The following THNSL1 variants were observed in gnomAD, a reference collection of about 807,000 sequenced individuals.
The protein encoded by THNSL1 is threonine synthase like 1.
Under a neutral mutation model 50.4 loss-of-function variants are expected in THNSL1, and 48 were observed. The ratio of observed to expected loss-of-function variants is 0.95; its 90% CI spans 0.76 to 1.21. THNSL1 has a LOEUF of 1.21. THNSL1 is among the 50% of genes most tolerant of loss of function. THNSL1 has a pLI of 0.00. For synonymous variants in THNSL1, 309 were observed against 306.1 expected, an observed-to-expected ratio of 1.01 and a Z score of -0.10; for missense variants, 896 against 871.7, an observed-to-expected ratio of 1.03 and a Z score of -0.35.
chr10:25,018,719 G>T (rs1435852379), intron 1 of THNSL1, among the ~76,000 whole-genome samples: 1 of 150,218 alleles, frequency 6.7e-6, no homozygotes, highest in Non-Finnish European at 1.5e-5. Context: ...AATAAAATGG[G>T]TGTAGATGAG....
At chr10:24,986,420 A>T in the THNSL1 span, among the ~76,000 whole-genome samples, 1 of 152,190 alleles carries the variant, frequency 6.6e-6, no homozygotes, top group African/African-American at 2.4e-5. Context: ...TTAAATTTTA[A>T]AAAGAGGAGG....
At chr10:24,995,164 T>C in the THNSL1 span, among the ~76,000 whole-genome samples, 1 of 152,188 alleles carries the variant, frequency 6.6e-6, no homozygotes, top group Non-Finnish European at 1.5e-5. Flanking sequence ...AATATATTCA[T>C]GTTAAAATAG....
chr10:25,009,110 G>A, the THNSL1 span, among the ~76,000 whole-genome samples: 1 of 152,176 alleles, frequency 6.6e-6, no homozygotes, highest in Non-Finnish European at 1.5e-5. Context: ...CTGTTGTGGG[G>A]TGGGAGGAGA....
the THNSL1 span, among the ~76,000 whole-genome samples, chr10:24,968,176 T>C: frequency 6.6e-6 from 1 of 152,136 alleles, no homozygotes; most frequent in Non-Finnish European, 1.5e-5. Flanking sequence ...TCATTCCTTC[T>C]TACTTTTGAT....
the THNSL1 span, among the ~76,000 whole-genome samples, chr10:25,006,907 A>C: frequency 1.6e-4 from 24 of 152,342 alleles, no homozygotes; most frequent in African/African-American, 3.6e-4. Flanking sequence ...CAATGGGATA[A>C]TACTACTTAT....
chr10:25,025,578 C>T lies in THNSL1; in HGVS notation c.*123C>T. The T allele has an allele frequency of 1.0e-6, 1 of 960,354 alleles. No individual in the cohort carries two copies. Among genetic ancestry groups the T allele is most frequent in the Non-Finnish European group, 1.5e-6 (1 of 653,668 alleles). 59.5% of individuals were successfully genotyped at this position (960,354 alleles called of 1,614,324 possible). ...ATATCTCTATATCTGTTTGGAATTT[C>T]AAAAGTCTGATCTCTAGGGCTGACA... On this transcript the variant is annotated 3_prime_UTR_variant, in exon 3 of 3. Transcript: ENST00000376356.
the THNSL1 span, among the ~76,000 whole-genome samples, chr10:24,954,636 A>G: frequency 1.3e-5 from 2 of 152,216 alleles, no homozygotes; most frequent in South Asian, 4.1e-4. Flanking sequence ...CAGGAATCTT[A>G]TGAATGTGTG....
chr10:24,995,645 C>T, the THNSL1 span: 3 of 1,607,550 alleles, frequency 1.9e-6, no homozygotes, highest in African/African-American at 4.0e-5. Context: ...CACAAGGCTA[C>T]CTTTTTATTG....
rs763968585 is a variant in THNSL1 at position 25,023,200 on chromosome 10, C to T, written c.-24C>T. 3.8e-6 allele frequency: 6 copies of T among 1,584,218 alleles called. No homozygotes were observed. The Admixed American group carries it at 5.4e-5, about 14-fold the overall frequency. ...GGGCTAAAGCCAATTTTTAGGTTGGCTTGGGCAGAAAAGTGAAAAGAGAAT... is the reference window on the plus strand; with the variant it reads ...GGGCTAAAGCCAATTTTTAGGTTGGTTTGGGCAGAAAAGTGAAAAGAGAAT... On this transcript the variant is annotated 5_prime_UTR_variant, in exon 3 of 3. Transcript: ENST00000376356.
At chr10:24,956,767 G>A in the THNSL1 span, among the ~76,000 whole-genome samples, 547 of 152,284 alleles carry the variant, frequency 3.6e-3, 2 homozygotes, top group Admixed American at 5.6e-3. Context: ...CTACCGGGCT[G>A]CAAACTGGTA....
At chr10:24,993,065 A>G in the THNSL1 span, among the ~76,000 whole-genome samples, 1 of 152,348 alleles carries the variant, frequency 6.6e-6, no homozygotes, top group African/African-American at 2.4e-5. Context: ...ACAGCTAGGC[A>G]GGAGAACTGC....
the THNSL1 span, among the ~76,000 whole-genome samples, chr10:25,005,464 T>C: frequency 6.8e-6 from 1 of 146,300 alleles, no homozygotes; most frequent in East Asian, 1.9e-4. Flanking sequence ...TTAATTGAGA[T>C]TTTTTTTTCC....
chr10:25,002,574 C>A, the THNSL1 span, among the ~76,000 whole-genome samples: 3 of 152,068 alleles, frequency 2.0e-5, no homozygotes, highest in African/African-American at 7.3e-5. Context: ...AGTCTGATAA[C>A]TGTTGTTTCA....
chr10:24,997,745 T>G, the THNSL1 span, among the ~76,000 whole-genome samples: 29 of 151,948 alleles, frequency 1.9e-4, no homozygotes, highest in Non-Finnish European at 3.4e-4. Context: ...GGGTTTGCTT[T>G]TGCCTTACAA....
chr10:25,001,956 T>G, the THNSL1 span, among the ~76,000 whole-genome samples: 2 of 152,238 alleles, frequency 1.3e-5, no homozygotes, highest in Non-Finnish European at 2.9e-5. Context: ...TGTTTGTTGC[T>G]GAATTTTTCT....
the THNSL1 span, among the ~76,000 whole-genome samples, chr10:25,006,704 T>C: frequency 2.6e-5 from 4 of 152,326 alleles, no homozygotes; most frequent in African/African-American, 9.6e-5. Flanking sequence ...TGATATATAA[T>C]AAATTATCAA....
chr10:24,966,342 A>G, the THNSL1 span, among the ~76,000 whole-genome samples: 6,968 of 152,346 alleles, frequency 0.046, 477 homozygotes, highest in African/African-American at 0.15. Context: ...TGTGTTGTAC[A>G]TGCAACCTTC....
At chr10:24,973,720 G>A in the THNSL1 span, among the ~76,000 whole-genome samples, 2 of 152,082 alleles carry the variant, frequency 1.3e-5, no homozygotes, top group African/African-American at 4.8e-5. Flanking sequence ...TTAATTGTTA[G>A]AGGTTTTTTT....
the THNSL1 span, chr10:24,990,709 C>CT: frequency 0.014 from 17,115 of 1,210,868 alleles, 480 homozygotes; most frequent in African/African-American, 0.11. Flanking sequence ...ATGGTACAGA[C>CT]TAAATCCTTT....
Sources: gnomAD v4.1 joint callset for allele counts (sites outside exome capture counted in the v4.1 genomes callset) on GRCh38, gnomAD v4.1.1 for gene constraint, MANE v1.5 for transcripts, NCBI Gene and HGNC (gene_info 2026-07-23, HGNC 2026-07-21) for gene names.